Variants in ADAM18 observed in about 807,000 individuals in gnomAD.
ADAM18 encodes ADAM metallopeptidase domain 18.
In ADAM18, 117 loss-of-function variants were observed where a neutral mutation model predicts 94.4. The ratio of observed to expected loss-of-function variants is 1.24; its 90% CI spans 1.07 to 1.45. The LOEUF (loss-of-function observed/expected upper bound fraction) is 1.45, where lower values mean the gene tolerates loss of function less well. ADAM18 is among the 40% of genes most tolerant of loss of function. The probability of loss-of-function intolerance (pLI) is 0.00; values close to 1 mark genes in which losing one functional copy is unlikely to be tolerated. For missense variants in ADAM18, 936 were observed against 880.0 expected (o/e 1.06, Z -0.81); for synonymous variants, 327 against 291.6 (o/e 1.12, Z -1.24).
intron 12 of ADAM18, among the ~76,000 whole-genome samples, chr8:39,654,225 T>G (rs1157231683): frequency 6.8e-6 from 1 of 147,316 alleles, no homozygotes; most frequent in Non-Finnish European, 1.5e-5. Flanking sequence ...TGGCGCGATC[T>G]CAGCTCACTG....
chr8:39,704,363 A>G (rs112700949), intron 17 of ADAM18, among the ~76,000 whole-genome samples: 8 of 152,226 alleles, frequency 5.3e-5, no homozygotes, highest in Non-Finnish European at 1.0e-4. Flanking sequence ...ATCCACCACA[A>G]TCAGATAGTC....
chr8:39,599,913 T>G (rs186045217), intron 2 of ADAM18, among the ~76,000 whole-genome samples: 4 of 152,132 alleles, frequency 2.6e-5, no homozygotes, highest in African/African-American at 9.6e-5. Context: ...CAGTTATTCC[T>G]TTTCCTTGTG....
chr8:39,636,938 G>A (rs1299504476), intron 7 of ADAM18, among the ~76,000 whole-genome samples: 1 of 149,772 alleles, frequency 6.7e-6, no homozygotes, highest in Non-Finnish European at 1.5e-5. Context: ...TTAGCATAAT[G>A]TCCTCCAGAT....
chr8:39,644,319 A>G (rs7842919), intron 10 of ADAM18, among the ~76,000 whole-genome samples: 99,023 of 151,732 alleles, frequency 0.65, 32,942 homozygotes, highest in African/African-American at 0.73. Flanking sequence ...TTGAGACAGG[A>G]TCTCACTCTG....
chr8:39,639,941 T>C (rs550876581), intron 10 of ADAM18, among the ~76,000 whole-genome samples: 73 of 152,160 alleles, frequency 4.8e-4, no homozygotes, highest in African/African-American at 1.7e-3. Flanking sequence ...TTGGTAGAAA[T>C]GAGCTCCTAT....
intron 19 of ADAM18, among the ~76,000 whole-genome samples, chr8:39,725,416 T>C (rs1389966770): frequency 2.0e-5 from 3 of 152,116 alleles, no homozygotes; most frequent in African/African-American, 7.2e-5. Context: ...TAGCTATAGG[T>C]ACTGTGGTGT....
At chr8:39,666,849 G>A (rs1402757392) in intron 13 of ADAM18, among the ~76,000 whole-genome samples, 1 of 152,134 alleles carries the variant, frequency 6.6e-6, no homozygotes, top group Non-Finnish European at 1.5e-5. Context: ...TGGGGACACA[G>A]CCAAACCGTA....
intron 17 of ADAM18, among the ~76,000 whole-genome samples, chr8:39,701,622 T>C (rs1172110609): frequency 1.3e-5 from 2 of 152,180 alleles, no homozygotes; most frequent in Non-Finnish European, 2.9e-5. Context: ...TTATTTCTCC[T>C]GACCCACTCC....
intron 16 of ADAM18, among the ~76,000 whole-genome samples, chr8:39,689,474 T>C (rs368990414): frequency 1.3e-5 from 2 of 152,336 alleles, no homozygotes; most frequent in East Asian, 3.9e-4. Flanking sequence ...TGCTTGTTTT[T>C]GTCAGGTTTG....
chr8:39,637,714 T>C lies in ADAM18; in HGVS notation c.827+11T>C, dbSNP rs1304068875. The C allele has an allele frequency of 1.3e-6, 2 of 1,543,966 alleles. No individual in the cohort carries two copies. Among genetic ancestry groups the C allele is most frequent in the Non-Finnish European group, 1.7e-6 (2 of 1,147,052 alleles). Reference sequence around the variant, plus strand: ...AGCATACTTACTTGTGTAAGCACAATGTTCTACATTAATAAAGATATCTGC... The same window carrying C: ...AGCATACTTACTTGTGTAAGCACAACGTTCTACATTAATAAAGATATCTGC... On this transcript the variant is annotated intron_variant, in intron 9 of 19. Coordinates refer to ENST00000265707, the MANE Select transcript of ADAM18 (RefSeq NM_014237.3).
At chr8:39,716,542 C>G (rs976114248) in intron 18 of ADAM18, among the ~76,000 whole-genome samples, 1 of 152,006 alleles carries the variant, frequency 6.6e-6, no homozygotes, top group East Asian at 1.9e-4. Context: ...CTTACATCCC[C>G]TTGTGATCTG....
intron 6 of ADAM18, 81 bp from the exon 7 acceptor site, chr8:39,629,283 TGCAATTTTTC>T: frequency 1.1e-6 from 1 of 911,818 alleles, no homozygotes; most frequent in Non-Finnish European, 1.7e-6. Flanking sequence ...AAATCTTATA[TGCAATTTTTC>T]GCTGTCTTTA....
intron 2 of ADAM18, among the ~76,000 whole-genome samples, chr8:39,591,360 G>A (rs1818565428): frequency 6.6e-6 from 1 of 152,124 alleles, no homozygotes; most frequent in South Asian, 2.1e-4. Flanking sequence ...TTTAAAATTG[G>A]ACTCAATCTT....
chr8:39,675,715 T>C (rs1821283060), intron 14 of ADAM18, among the ~76,000 whole-genome samples: 1 of 152,256 alleles, frequency 6.6e-6, no homozygotes, highest in Admixed American at 6.5e-5. Flanking sequence ...CTCTGATTTT[T>C]AGAATTTTCA....
At chr8:39,636,873 C>T (rs932106886) in intron 7 of ADAM18, among the ~76,000 whole-genome samples, 5 of 151,446 alleles carry the variant, frequency 3.3e-5, no homozygotes, top group African/African-American at 1.2e-4. Context: ...TGTTTAGATA[C>T]CACATATAAG....
intron 18 of ADAM18, among the ~76,000 whole-genome samples, chr8:39,719,638 G>C (rs1173577359): frequency 6.6e-6 from 1 of 151,278 alleles, no homozygotes; most frequent in African/African-American, 2.4e-5. Context: ...TATAAAAAAG[G>C]GGGGCAAAAT....
chr8:39,632,006 T>C (rs962015208), intron 7 of ADAM18, among the ~76,000 whole-genome samples: 25 of 152,038 alleles, frequency 1.6e-4, no homozygotes, highest in African/African-American at 4.3e-4. Flanking sequence ...TTATCTTATA[T>C]CCTGTTATTT....
intron 16 of ADAM18, 50 bp from the exon 17 acceptor site, chr8:39,692,550 G>T: frequency 1.7e-6 from 2 of 1,199,392 alleles, no homozygotes; most frequent in Non-Finnish European, 2.4e-6. Context: ...GTTTTTTCTT[G>T]TTTTATATGA....
At chr8:39,594,463 T>C (rs1289908199) in intron 2 of ADAM18, among the ~76,000 whole-genome samples, 1 of 152,162 alleles carries the variant, frequency 6.6e-6, no homozygotes, top group Admixed American at 6.5e-5. Flanking sequence ...TCCTTTTTTG[T>C]TTAGAGAAAT....
Sources: allele counts gnomAD v4.1 joint callset (sites outside exome capture counted in the v4.1 genomes callset), GRCh38; gene constraint gnomAD v4.1.1; transcripts MANE v1.5; gene names NCBI Gene and HGNC (gene_info 2026-07-23, HGNC 2026-07-21).